The following SPCS2 variants were observed in gnomAD, a reference collection of about 807,000 sequenced individuals.
SPCS2 encodes the protein SPase 25 kDa subunit.
SPCS2 carries 3 observed loss-of-function variants against 22.3 expected under a neutral mutation model. The ratio of observed to expected loss-of-function variants is 0.13; its 90% CI spans 0.06 to 0.35. SPCS2 has a LOEUF of 0.35. SPCS2 is among the 10% of genes least tolerant of loss of function. SPCS2 has a pLI of 1.00. For synonymous variants in SPCS2, 67 were observed against 97.2 expected, an observed-to-expected ratio of 0.69 and a Z score of 1.83; for missense variants, 169 against 280.9, an observed-to-expected ratio of 0.60 and a Z score of 2.85.
At chr11:74,965,223 A>G in intron 2 of SPCS2, 106 bp downstream of exon 2, 1 of 747,456 alleles carries the variant, frequency 1.3e-6, no homozygotes, top group Non-Finnish European at 2.1e-6. Context: ...TTTCAGTGTT[A>G]GAAATTAAGT....
At chr11:74,958,244 AT>A (rs1224961450) in intron 1 of SPCS2, among the ~76,000 whole-genome samples, 16 of 152,344 alleles carry the variant, frequency 1.1e-4, no homozygotes, top group African/African-American at 3.8e-4. Context: ...ACACATGGTA[AT>A]TTCCTAACTT....
chr11:74,958,516 G>A (rs190841201), intron 1 of SPCS2, among the ~76,000 whole-genome samples: 4 of 152,218 alleles, frequency 2.6e-5, no homozygotes, highest in Admixed American at 2.0e-4. Flanking sequence ...GTGTGGGGGG[G>A]ATATAGGCAC....
At chr11:74,972,892 ATATT>A (rs1565488110) in intron 4 of SPCS2, among the ~76,000 whole-genome samples, 1 of 73,696 alleles carries the variant, frequency 1.4e-5, no homozygotes, top group Non-Finnish European at 2.9e-5. Context: ...ATATATATAT[ATATT>A]TTTTTTTTTC....
At chr11:74,969,216 C>A (rs977109659) in intron 3 of SPCS2, among the ~76,000 whole-genome samples, 1 of 152,084 alleles carries the variant, frequency 6.6e-6, no homozygotes, top group Non-Finnish European at 1.5e-5. Context: ...TGGGACTATT[C>A]GTTGTTTTTT....
intron 1 of SPCS2, among the ~76,000 whole-genome samples, chr11:74,954,666 C>T (rs1948466165): frequency 6.6e-6 from 1 of 152,120 alleles, no homozygotes; most frequent in Non-Finnish European, 1.5e-5. Flanking sequence ...AGGTGCTGGC[C>T]TTTTAATACT....
At chr11:74,956,694 T>C (rs1440998642) in intron 1 of SPCS2, among the ~76,000 whole-genome samples, 1 of 152,160 alleles carries the variant, frequency 6.6e-6, no homozygotes, top group East Asian at 1.9e-4. Context: ...CTCACTCTCT[T>C]GCTGAATCTC....
intron 1 of SPCS2, among the ~76,000 whole-genome samples, chr11:74,951,810 C>CAAAAAAAAAAAAAAA (rs61038317): frequency 2.5e-5 from 2 of 81,360 alleles, no homozygotes; most frequent in African/African-American, 4.5e-5. Flanking sequence ...AACTCTGTCT[C>CAAAAAAAAAAAAAAA]AAAAAAAAAA....
intron 1 of SPCS2, among the ~76,000 whole-genome samples, chr11:74,956,367 A>G (rs1232716519): frequency 2.6e-5 from 4 of 152,200 alleles, no homozygotes; most frequent in East Asian, 3.8e-4. Flanking sequence ...TCAGGCATCA[A>G]TAGCCAGAGC....
At chr11:74,964,053 C>A (rs898848871) in intron 1 of SPCS2, among the ~76,000 whole-genome samples, 5 of 152,160 alleles carry the variant, frequency 3.3e-5, no homozygotes, top group Admixed American at 2.6e-4. Flanking sequence ...TTACTCCTCC[C>A]CGTATTTCTC....
chr11:74,976,757 C>G, intron 4 of SPCS2, 100 bp from the exon 5 acceptor site: 1 of 1,474,098 alleles, frequency 6.8e-7, no homozygotes, highest in South Asian at 1.2e-5. Flanking sequence ...ATCACCGTGC[C>G]CAGCTTACTC....
chr11:74,978,134 A>G lies in SPCS2; in HGVS notation c.*1091A>G, dbSNP rs907629031. On this transcript the variant is annotated 3_prime_UTR_variant, in exon 5 of 5. Transcript: ENST00000263672. Reference sequence around the variant, plus strand: ...GAGACAAAACAGCCGCTTTTCCAGTATTTTCCCAGTATGGTCAGAGAAGAC... The same window carrying G: ...GAGACAAAACAGCCGCTTTTCCAGTGTTTTCCCAGTATGGTCAGAGAAGAC... 6.6e-6 allele frequency: 1 copy of G among 152,154 alleles called. No homozygotes were observed. The highest frequency in any genetic ancestry group is 2.4e-5 in the African/African-American group (1 of 41,430). 9.4% of individuals were successfully genotyped at this position (152,154 alleles called of 1,614,324 possible). A position where few individuals can be genotyped will look rare whatever the true frequency, so the allele number is the denominator to read the frequency against.
intron 1 of SPCS2, among the ~76,000 whole-genome samples, chr11:74,958,439 C>T (rs1312645315): frequency 6.6e-6 from 1 of 152,150 alleles, no homozygotes; most frequent in Non-Finnish European, 1.5e-5. Flanking sequence ...GATGACAGTG[C>T]ACATTCTTAA....
At chr11:74,949,525 T>A in intron 1 of SPCS2, 126 bp downstream of exon 1, 1 of 832,346 alleles carries the variant, frequency 1.2e-6, no homozygotes, top group Non-Finnish European at 2.0e-6. Context: ...GTGACCACTA[T>A]CACAACCCTA....
At chr11:74,973,846 C>T (rs2140221696) in intron 4 of SPCS2, among the ~76,000 whole-genome samples, 1 of 152,262 alleles carries the variant, frequency 6.6e-6, no homozygotes, top group South Asian at 2.1e-4. Flanking sequence ...AAGGCCTTCC[C>T]TCCCTTGGGT....
chr11:74,977,194 A>T lies in SPCS2; in HGVS notation c.*151A>T, dbSNP rs1218983960. ...AAATTTTAGTCTATTCTGGGTAAATAGGATTTTCTGACACAGATATGAGAA... is the reference window on the plus strand; with the variant it reads ...AAATTTTAGTCTATTCTGGGTAAATTGGATTTTCTGACACAGATATGAGAA... On this transcript the variant is annotated 3_prime_UTR_variant, in exon 5 of 5. Coordinates refer to ENST00000263672, the MANE Select transcript of SPCS2 (RefSeq NM_014752.3). The T allele has an allele frequency of 1.5e-6, 2 of 1,304,568 alleles. No individual in the cohort carries two copies. Among genetic ancestry groups the T allele is most frequent in the Non-Finnish European group, 2.0e-6 (2 of 989,120 alleles). 80.8% of individuals were successfully genotyped at this position (1,304,568 alleles called of 1,614,324 possible). A position where few individuals can be genotyped will look rare whatever the true frequency, so the allele number is the denominator to read the frequency against.
chr11:74,969,071 C>G (rs1948563670), intron 3 of SPCS2, among the ~76,000 whole-genome samples: 1 of 152,118 alleles, frequency 6.6e-6, no homozygotes, highest in African/African-American at 2.4e-5. Context: ...CTGTCAAAAA[C>G]AATATAATAA....
intron 1 of SPCS2, among the ~76,000 whole-genome samples, chr11:74,952,958 G>A (rs369433558): frequency 9.9e-5 from 15 of 152,198 alleles, no homozygotes; most frequent in South Asian, 4.1e-4. Context: ...GTATTTGCCC[G>A]TTTTCCTGTG....
intron 4 of SPCS2, among the ~76,000 whole-genome samples, chr11:74,971,037 G>T (rs1165133551): frequency 1.3e-5 from 2 of 151,434 alleles, no homozygotes; most frequent in Non-Finnish European, 2.9e-5. Context: ...ACTTGCCTGA[G>T]CCCTGGGCAA....
At chr11:74,968,938 G>A (rs1408906901) in intron 3 of SPCS2, among the ~76,000 whole-genome samples, 1 of 152,106 alleles carries the variant, frequency 6.6e-6, no homozygotes, top group African/African-American at 2.4e-5. Flanking sequence ...CAGAGTGCTG[G>A]TATTAAAGGT....
Sources: allele counts gnomAD v4.1 joint callset (sites outside exome capture counted in the v4.1 genomes callset), GRCh38; gene constraint gnomAD v4.1.1; transcripts MANE v1.5; gene names NCBI Gene and HGNC (gene_info 2026-07-23, HGNC 2026-07-21).